Variants in RORA observed in about 807,000 individuals in gnomAD.
The protein encoded by RORA is nuclear receptor ROR-alpha.
RORA carries 7 observed loss-of-function variants against 69.5 expected under a neutral mutation model. The ratio of observed to expected loss-of-function variants is 0.10; its 90% CI spans 0.06 to 0.19. The LOEUF (loss-of-function observed/expected upper bound fraction) is 0.19, where lower values mean the gene tolerates loss of function less well. RORA is among the 10% of genes least tolerant of loss of function. The pLI is 1.00. For missense variants in RORA, 457 were observed against 663.0 expected, an observed-to-expected ratio of 0.69 and a Z score of 3.41; for synonymous variants, 261 against 240.8, an observed-to-expected ratio of 1.08 and a Z score of -0.78.
intron 1 of RORA, among the ~76,000 whole-genome samples, chr15:60,683,297 C>T (rs184166149): frequency 1.3e-3 from 99 of 73,406 alleles, no homozygotes; most frequent in Admixed American, 9.9e-3. Flanking sequence ...AGGCGTAAGC[C>T]ACCTTGCCCA....
intron 1 of RORA, among the ~76,000 whole-genome samples, chr15:60,941,864 G>A (rs575757391): frequency 1.3e-5 from 2 of 151,926 alleles, no homozygotes; most frequent in Non-Finnish European, 2.9e-5. Context: ...CGTGCAAACC[G>A]GAAACTGGTG....
At chr15:60,962,765 T>C (rs7178864) in intron 1 of RORA, among the ~76,000 whole-genome samples, 3,489 of 152,304 alleles carry the variant, frequency 0.023, 130 homozygotes, top group African/African-American at 0.079. Context: ...AGTGGTGGCA[T>C]GGTCTTTGTC....
At chr15:60,624,879 C>T (rs1207182296) in intron 2 of RORA, among the ~76,000 whole-genome samples, 3 of 151,896 alleles carry the variant, frequency 2.0e-5, no homozygotes, top group South Asian at 4.2e-4. Context: ...ATTAGCAACC[C>T]CAGTATCATT....
At chr15:61,207,297 C>T (rs2079951404) in intron 1 of RORA, among the ~76,000 whole-genome samples, 1 of 152,176 alleles carries the variant, frequency 6.6e-6, no homozygotes, top group African/African-American at 2.4e-5. Flanking sequence ...ACAGGACGTG[C>T]TAGCCAAGGA....
Position 60,824,995 on chromosome 15 carries a change from T to C in RORA, c.167-146309A>G, listed in dbSNP as rs565895122. 1.8e-4 allele frequency among the ~76,000 whole-genome samples: 27 copies of C among 152,342 alleles called. No homozygotes were observed. The South Asian group carries it at 4.4e-3, about 25-fold the overall frequency. On this transcript the variant is annotated intron_variant, in intron 1 of 10. Coordinates refer to ENST00000335670, the MANE Select transcript of RORA (RefSeq NM_134261.3). Reference sequence around the variant, plus strand: ...ATGGGCTAACGTAGGACTGTATGGCTAGGAACTTCTAGAGCTGCCTACTGC... The same window carrying C: ...ATGGGCTAACGTAGGACTGTATGGCCAGGAACTTCTAGAGCTGCCTACTGC...
chr15:60,744,093 T>A (rs989324469), intron 1 of RORA, among the ~76,000 whole-genome samples: 2 of 151,750 alleles, frequency 1.3e-5, no homozygotes, highest in Non-Finnish European at 3.0e-5. Context: ...TCCTTTTTTT[T>A]TTTTTGAGAA....
chr15:61,057,539 T>G (rs191488795), intron 1 of RORA, among the ~76,000 whole-genome samples: 2 of 152,236 alleles, frequency 1.3e-5, no homozygotes, highest in Non-Finnish European at 2.9e-5. Context: ...CACTGACATG[T>G]CATAGTGAAA....
chr15:60,698,152 T>A (rs376321273), intron 1 of RORA, among the ~76,000 whole-genome samples: 3 of 152,190 alleles, frequency 2.0e-5, no homozygotes, highest in Admixed American at 6.5e-5. Context: ...ATGCTTCAGC[T>A]GAGATGTCTT....
intron 1 of RORA, among the ~76,000 whole-genome samples, chr15:60,983,205 T>C (rs1894098814): frequency 6.6e-6 from 1 of 152,204 alleles, no homozygotes; most frequent in Non-Finnish European, 1.5e-5. Flanking sequence ...TTATACTCTG[T>C]TCCCTTTGGC....
At chr15:60,827,758 T>G (rs1454444866) in intron 1 of RORA, among the ~76,000 whole-genome samples, 1 of 152,180 alleles carries the variant, frequency 6.6e-6, no homozygotes, top group Non-Finnish European at 1.5e-5. Context: ...GGATGTTTGC[T>G]CCGCGTGAGC....
At chr15:60,865,452 G>C (rs2073477343) in intron 1 of RORA, among the ~76,000 whole-genome samples, 1 of 152,148 alleles carries the variant, frequency 6.6e-6, no homozygotes, top group African/African-American at 2.4e-5. Flanking sequence ...GTTTTTGCTT[G>C]GAGCCAAATC....
At chr15:60,806,430 C>T (rs776556273) in intron 1 of RORA, among the ~76,000 whole-genome samples, 7 of 152,188 alleles carry the variant, frequency 4.6e-5, no homozygotes, top group African/African-American at 7.2e-5. Context: ...ACATCTCTTG[C>T]CATGCCTTCC....
chr15:61,129,171 C>A (rs916883912), intron 1 of RORA, among the ~76,000 whole-genome samples: 6 of 152,032 alleles, frequency 3.9e-5, no homozygotes, highest in Non-Finnish European at 7.4e-5. Context: ...GATATCTTCC[C>A]CAATTCTAGA....
intron 1 of RORA, among the ~76,000 whole-genome samples, chr15:61,024,444 C>A (rs376110865): frequency 9.0e-6 from 1 of 111,232 alleles, no homozygotes; most frequent in Non-Finnish European, 1.8e-5. Flanking sequence ...CTACCATGCC[C>A]GGTAATGTTT....
chr15:60,825,252 A>G (rs1017461714), intron 1 of RORA, among the ~76,000 whole-genome samples: 5 of 152,208 alleles, frequency 3.3e-5, no homozygotes, highest in African/African-American at 1.2e-4. Flanking sequence ...ACCACACCTC[A>G]GAGCACATGC....
chr15:60,774,610 C>A (rs1226920515), intron 1 of RORA, among the ~76,000 whole-genome samples: 1 of 152,336 alleles, frequency 6.6e-6, no homozygotes, highest in South Asian at 2.1e-4. Flanking sequence ...TTTGGGAGTC[C>A]TAACGGATGC....
chr15:60,647,666 A>T (rs988096280), intron 2 of RORA, among the ~76,000 whole-genome samples: 2 of 152,216 alleles, frequency 1.3e-5, no homozygotes, highest in Non-Finnish European at 2.9e-5. Context: ...CTGCACTAGG[A>T]CTAAAGAACC....
At chr15:60,607,396 G>C (rs1276299498) in intron 2 of RORA, among the ~76,000 whole-genome samples, 2 of 152,216 alleles carry the variant, frequency 1.3e-5, no homozygotes, top group Middle Eastern at 6.8e-3. Flanking sequence ...ATAGAAATAC[G>C]CTGCAGAAAA....
At chr15:60,627,187 AG>A (rs748925681) in intron 2 of RORA, 2 of 1,514,532 alleles carry the variant, frequency 1.3e-6, no homozygotes, top group Admixed American at 3.4e-5. Context: ...TGGTGGGGGG[AG>A]GGTACACAGT....
Sources: allele counts gnomAD v4.1 joint callset (sites outside exome capture counted in the v4.1 genomes callset), GRCh38; gene constraint gnomAD v4.1.1; transcripts MANE v1.5; gene names NCBI Gene and HGNC (gene_info 2026-07-23, HGNC 2026-07-21).